The following FGF21 variants were observed in gnomAD, a reference collection of about 807,000 sequenced individuals.
The protein encoded by FGF21 is fibroblast growth factor 21.
A neutral mutation model predicts 13.4 loss-of-function variants in FGF21; 13 were observed. The ratio of observed to expected loss-of-function variants is 0.97; its 90% CI spans 0.63 to 1.54. FGF21 has a LOEUF of 1.54. Ranked by LOEUF, FGF21 falls within the 40% of genes most tolerant of loss-of-function variation. The pLI is 0.00. For missense variants in FGF21, 303 were observed against 272.4 expected (o/e 1.11, Z -0.79); for synonymous variants, 124 against 123.6 (o/e 1.00, Z -0.02).
intron 2 of FGF21, 111 bp downstream of exon 2, chr19:48,756,582 G>T: frequency 6.7e-6 from 2 of 299,806 alleles, no homozygotes; most frequent in Non-Finnish European, 8.9e-6. Context: ...GAGGGAGGAG[G>T]GGCTGGGGAT....
chr19:48,756,361 G>A lies in FGF21; in HGVS notation c.125G>A (p.Gly42Asp), dbSNP rs755282525. Residue 42 changes from glycine (G) to aspartate (D), a missense_variant, in exon 2 of 4, where the codon GGC becomes GAC. Transcript: ENST00000593756. ...PDSSPLLQFGGQVRQRYLYTD... is the reference protein window; with the variant it reads ...PDSSPLLQFGDQVRQRYLYTD... ...TCCAGTCCTCTCCTGCAATTCGGGG[G>A]CCAAGTCCGGCAGCGGTACCTCTAC... is the stretch of plus-strand genomic sequence containing the variant. 6.2e-7 allele frequency: 1 copy of A among 1,614,006 alleles called. No individual in the cohort carries two copies. The highest frequency in any genetic ancestry group is 8.5e-7 in the Non-Finnish European group (1 of 1,180,022).
rs1347266210 is a variant in FGF21 at position 48,758,124 on chromosome 19, C to CGGAA, written c.535_538dup (p.Ile180ArgfsTer69). 1 of 1,611,410 alleles carries CGGAA rather than the reference C, an allele frequency of 6.2e-7. No individual in the cohort carries two copies. Among genetic ancestry groups the CGGAA allele is most frequent in the African/African-American group, 1.3e-5 (1 of 74,860 alleles). On this transcript the variant is annotated frameshift_variant, in exon 4 of 4. Coordinates refer to ENST00000593756, the MANE Select transcript of FGF21 (RefSeq NM_019113.4). LOFTEE classifies it high-confidence loss of function. ...TGCCCCCCGCACTCCCGGAGCCACC[C>CGGAA]GGAATCCTGGCCCCCCAGCCCCCCG...
chr19:48,758,201 G>T lies in FGF21; in HGVS notation c.611G>T (p.Ser204Ile), dbSNP rs1369877615. The change falls in exon 4 of 4, where the codon AGC (serine) becomes ATC (isoleucine). Residue 204 changes from serine (S) to isoleucine (I), a missense_variant. Transcript: ENST00000593756. ...ATGGTGGGACCTTCCCAGGGCCGAA[G>T]CCCCAGCTACGCTTCCTGAAGCCAG... ...LSMVGPSQGR[S>I]PSYAS 1.2e-6 allele frequency: 2 copies of T among 1,609,284 alleles called. No homozygotes were observed. The highest frequency in any genetic ancestry group is 2.7e-5 in the African/African-American group (2 of 74,774).
chr19:48,756,635 C>G (rs1398037097), intron 2 of FGF21, among the ~76,000 whole-genome samples, 164 bp downstream of exon 2: 1 of 144,438 alleles, frequency 6.9e-6, no homozygotes, highest in Admixed American at 6.8e-5. Flanking sequence ...GGGATCTGGG[C>G]CCCTGGGTCT....
At position 48,756,473 on chromosome 19, in the gene FGF21, T is replaced by G; in HGVS notation, c.235+2T>G. The G allele has an allele frequency of 6.2e-7, 1 of 1,610,592 alleles. No individual in the cohort carries two copies. The highest frequency in any genetic ancestry group is 8.5e-7 in the Non-Finnish European group (1 of 1,179,074). On this transcript the variant is annotated splice_donor_variant, in intron 2 of 3. Transcript: ENST00000593756. LOFTEE classifies it high-confidence loss of function. The stretch of plus-strand genomic sequence containing the variant: ...GCGCTGCTGACCAGAGCCCCGAAAG[T>G]GAGTGTGGGCCAGAGCCTGGGTCTG...
intron 3 of FGF21, among the ~76,000 whole-genome samples, chr19:48,757,562 G>A (rs927835156): frequency 6.6e-6 from 1 of 151,702 alleles, no homozygotes; most frequent in Non-Finnish European, 1.5e-5. Flanking sequence ...CTAGAGGAGG[G>A]GCTGGGGGCC....
intron 3 of FGF21, among the ~76,000 whole-genome samples, chr19:48,757,595 G>GC: frequency 7.6e-6 from 1 of 130,882 alleles, no homozygotes; most frequent in East Asian, 2.0e-4. Context: ...TCTGAGGGAG[G>GC]AGGGGCTGGG....
rs2034114352 is a variant in FGF21 at position 48,756,973 on chromosome 19, G to A, written c.283G>A (p.Gly95Arg). The A allele has an allele frequency of 6.2e-7, 1 of 1,613,932 alleles. No homozygotes were observed. Among genetic ancestry groups the A allele is most frequent in the African/African-American group, 1.3e-5 (1 of 74,886 alleles). The change falls in exon 3 of 4, where the codon GGA (glycine) becomes AGA (arginine). Residue 95 changes from glycine (G) to arginine (R), a missense_variant. Physicochemically the swap from Gly to Arg is moderately radical, Grantham distance 125 (BLOSUM62 -2). Coordinates refer to ENST00000593756, the MANE Select transcript of FGF21 (RefSeq NM_019113.4). ...GAAGCCGGGAGTTATTCAAATCTTG[G>A]GAGTCAAGACATCCAGGTTCCTGTG... is the stretch of plus-strand genomic sequence containing the variant. The part of the protein sequence containing the change: ...ALKPGVIQIL[G>R]VKTSRFLCQR...
chr19:48,756,911 G>T lies in FGF21; in HGVS notation c.236-15G>T, dbSNP rs562346393. 2 of 1,607,946 alleles carry T rather than the reference G, an allele frequency of 1.2e-6. No homozygotes were observed. The highest frequency in any genetic ancestry group is 2.2e-5 in the South Asian group (2 of 90,932). On this transcript the variant is annotated splice_polypyrimidine_tract_variant and intron_variant, in intron 2 of 3. Coordinates refer to ENST00000593756, the MANE Select transcript of FGF21 (RefSeq NM_019113.4). ...GGAGAGGTCCTCGAACCACCTTATC[G>T]CTTTCACCCCTTAGGTCTCCTGCAG... is the stretch of plus-strand genomic sequence containing the variant.
At chr19:48,756,593 CT>C in intron 2 of FGF21, 122 bp downstream of exon 2, 2 of 228,444 alleles carry the variant, frequency 8.8e-6, no homozygotes, top group South Asian at 7.8e-5. Flanking sequence ...GGCTGGGGAT[CT>C]GGACTCCTGG....
At chr19:48,756,799 G>A (rs2034110085) in intron 2 of FGF21, 127 bp from the exon 3 acceptor site, 2 of 780,784 alleles carry the variant, frequency 2.6e-6, no homozygotes, top group Non-Finnish European at 4.4e-6. Flanking sequence ...GGGTCTGAGG[G>A]AGGAGGTAGG....
chr19:48,757,071 C>CTA, intron 3 of FGF21, 42 bp downstream of exon 3: 10 of 1,479,636 alleles, frequency 6.8e-6, no homozygotes, highest in Non-Finnish European at 9.4e-6. Flanking sequence ...CATGCTCCTC[C>CTA]TATATGTCGC....
At chr19:48,757,765 G>A (rs1303422601) in intron 3 of FGF21, among the ~76,000 whole-genome samples, 165 bp from the exon 4 acceptor site, 1 of 149,420 alleles carries the variant, frequency 6.7e-6, no homozygotes, top group African/African-American at 2.4e-5. Flanking sequence ...TGGACTCCTG[G>A]GTCGGATGGA....
chr19:48,756,168 C>T lies in FGF21; in HGVS notation c.-69C>T. 5 of 1,373,142 alleles carry T rather than the reference C, an allele frequency of 3.6e-6. No homozygotes were observed. The South Asian group carries it at 5.3e-5, about 14-fold the overall frequency. The allele number at this position is 1,373,142 out of a possible 1,614,324, so 85.1% of individuals were successfully genotyped here. On this transcript the variant is annotated 5_prime_UTR_variant, in exon 2 of 4. Transcript: ENST00000593756. ...ACTCACCTGGACAACTGGAATCTGG[C>T]ACCAATTCTAAACCACTCAGCTTCT...
At position 48,756,874 on chromosome 19, in the gene FGF21, C is replaced by G. The variant is rs2034111884; in HGVS notation, c.236-52C>G. 2.1e-6 allele frequency: 3 copies of G among 1,399,174 alleles called. No homozygotes were observed. The Admixed American group carries it at 5.1e-5, about 24-fold the overall frequency. The allele number at this position is 1,399,174 out of a possible 1,614,324, so 86.7% of individuals were successfully genotyped here. On this transcript the variant is annotated intron_variant, in intron 2 of 3. Transcript: ENST00000593756. The stretch of plus-strand genomic sequence containing the variant: ...GGTGGGACAGAGTCGGGTGGTGGGA[C>G]AGTCCCGGGTGGGAGAGGTCCTCGA...
chr19:48,757,571 C>A (rs939083068), intron 3 of FGF21, among the ~76,000 whole-genome samples: 1 of 150,910 alleles, frequency 6.6e-6, no homozygotes, highest in African/African-American at 2.4e-5. Context: ...GGGCTGGGGG[C>A]CTGGACTCCT....
rs2034088501 is a variant in FGF21 at position 48,756,171 on chromosome 19, C to T, written c.-66C>T. On this transcript the variant is annotated 5_prime_UTR_variant, in exon 2 of 4. Transcript: ENST00000593756. ...CACCTGGACAACTGGAATCTGGCAC[C>T]AATTCTAAACCACTCAGCTTCTCCG... 7 of 1,409,412 alleles carry T rather than the reference C, an allele frequency of 5.0e-6. No homozygotes were observed. Among genetic ancestry groups the T allele is most frequent in the Non-Finnish European group, 6.8e-6 (7 of 1,023,566 alleles). 87.3% of individuals were successfully genotyped at this position (1,409,412 alleles called of 1,614,324 possible).
At position 48,756,309 on chromosome 19, in the gene FGF21, G is replaced by A; in HGVS notation, c.73G>A (p.Ala25Thr). 1 of 1,614,078 alleles carries A rather than the reference G, an allele frequency of 6.2e-7. No homozygotes were observed. Among genetic ancestry groups the A allele is most frequent in the South Asian group, 1.1e-5 (1 of 91,084 alleles). ...TGTGCTGGCTGGTCTTCTGCTGGGA[G>A]CCTGCCAGGCACACCCCATCCCTGA... ...VSVLAGLLLGACQAHPIPDSS... is the reference protein window; with the variant it reads ...VSVLAGLLLGTCQAHPIPDSS... Residue 25 changes from alanine to threonine, a missense_variant, in exon 2 of 4, where the codon GCC (alanine) becomes ACC (threonine). Physicochemically the swap from Ala to Thr is moderately conservative, Grantham distance 58. Transcript: ENST00000593756.
chr19:48,756,035 T>C lies in FGF21; in HGVS notation c.-202T>C. 2 of 582,648 alleles carry C rather than the reference T, an allele frequency of 3.4e-6. No homozygotes were observed. Among genetic ancestry groups the C allele is most frequent in the South Asian group, 4.3e-5 (2 of 47,000 alleles). 36.1% of individuals were successfully genotyped at this position (582,648 alleles called of 1,614,324 possible). ...CAGGGAGGGTGATTGGGCGGGCCTG[T>C]CTGGGTATAAATTCTGGAGCTTCTG... is the stretch of plus-strand genomic sequence containing the variant. On this transcript the variant is annotated 5_prime_UTR_variant, in exon 2 of 4. Transcript: ENST00000593756.
Sources: allele counts gnomAD v4.1 joint callset (sites outside exome capture counted in the v4.1 genomes callset), GRCh38; gene constraint gnomAD v4.1.1; transcripts MANE v1.5; gene names NCBI Gene and HGNC (gene_info 2026-07-23, HGNC 2026-07-21).